The following LUZP2 variants were observed in gnomAD, a reference collection of about 807,000 sequenced individuals.
LUZP2 encodes the protein leucine zipper protein 2.
In LUZP2, 52 loss-of-function variants were observed where a neutral mutation model predicts 51.6. That is an observed-to-expected ratio of 1.01 (90% confidence interval 0.81 to 1.27). The LOEUF is 1.27. Ranked by LOEUF, LUZP2 falls within the 50% of genes most tolerant of loss-of-function variation. LUZP2 has a pLI of 0.00. For synonymous variants in LUZP2, 154 were observed against 137.3 expected, an observed-to-expected ratio of 1.12 and a Z score of -0.85; for missense variants, 436 against 395.4, an observed-to-expected ratio of 1.10 and a Z score of -0.87.
At chr11:24,983,423 G>A in intron 9 of LUZP2, 130 bp downstream of exon 9, 1 of 928,470 alleles carries the variant, frequency 1.1e-6, no homozygotes, top group Non-Finnish European at 1.6e-6. Context: ...GGAGGAAAAT[G>A]GAAGGTAGTA....
intron 5 of LUZP2, among the ~76,000 whole-genome samples, chr11:24,767,131 G>A (rs11028152): frequency 0.12 from 18,123 of 151,944 alleles, 1,354 homozygotes; most frequent in East Asian, 0.42. Flanking sequence ...CTAGTAAGTG[G>A]TCTTCCCCAA....
At chr11:25,044,262 T>A (rs1365686453) in intron 9 of LUZP2, among the ~76,000 whole-genome samples, 2 of 27,854 alleles carry the variant, frequency 7.2e-5, no homozygotes, top group African/African-American at 5.7e-4. Context: ...TGTGTGTATA[T>A]ATATATATAT....
intron 9 of LUZP2, among the ~76,000 whole-genome samples, chr11:25,043,841 T>C (rs1274371938): frequency 2.0e-5 from 3 of 147,556 alleles, no homozygotes; most frequent in Non-Finnish European, 4.5e-5. Flanking sequence ...GTGTGCTTTT[T>C]GCTTTTGTTG....
intron 5 of LUZP2, among the ~76,000 whole-genome samples, chr11:24,774,362 C>CTCTCTCTCTATATATATATATATA (rs776739280): frequency 1.3e-5 from 1 of 76,384 alleles, no homozygotes; most frequent in African/African-American, 6.0e-5. Flanking sequence ...CTCTCTCTCT[C>CTCTCTCTCTATATATATATATATA]TATATATATA....
chr11:24,701,090 C>G (rs1857407498), intron 1 of LUZP2, among the ~76,000 whole-genome samples: 1 of 152,132 alleles, frequency 6.6e-6, no homozygotes, highest in Non-Finnish European at 1.5e-5. Flanking sequence ...TACAGAAATA[C>G]CAAAGGCTGG....
chr11:24,541,320 A>C (rs1201288671), intron 1 of LUZP2, among the ~76,000 whole-genome samples: 1 of 151,686 alleles, frequency 6.6e-6, no homozygotes, highest in East Asian at 1.9e-4. Context: ...TTCAGCCCAA[A>C]GGATTAGATA....
At chr11:24,913,064 T>G (rs1330846667) in intron 6 of LUZP2, among the ~76,000 whole-genome samples, 1 of 152,156 alleles carries the variant, frequency 6.6e-6, no homozygotes, top group Non-Finnish European at 1.5e-5. Flanking sequence ...AAAATTTAAT[T>G]TTATTGAGAT....
intron 5 of LUZP2, among the ~76,000 whole-genome samples, chr11:24,816,341 T>C (rs1334832027): frequency 6.6e-6 from 1 of 152,016 alleles, no homozygotes; most frequent in Non-Finnish European, 1.5e-5. Context: ...ACAGTAAAAG[T>C]TTAGATTATA....
chr11:25,014,520 A>G (rs960387120), intron 9 of LUZP2, among the ~76,000 whole-genome samples: 5 of 151,998 alleles, frequency 3.3e-5, no homozygotes, highest in African/African-American at 1.2e-4. Flanking sequence ...GCATTTTTTC[A>G]TGTGTCTGTT....
At position 24,614,291 on chromosome 11, in the gene LUZP2, T is replaced by A. The variant is rs73433058; in HGVS notation, c.63-114878T>A. Among the ~76,000 whole-genome samples, 574 of 152,134 alleles carry A rather than the reference T, an allele frequency of 3.8e-3. 3 individuals are homozygous for A. The highest frequency in any genetic ancestry group is 0.013 in the African/African-American group (552 of 41,568). ...CTAGAAAACATATTGTTAATCAACT[T>A]CTTTGTATCTCTGCTCTCTCTCCTA... On this transcript the variant is annotated intron_variant, in intron 1 of 11. Transcript: ENST00000336930.
At chr11:24,811,530 A>G (rs1245581528) in intron 5 of LUZP2, among the ~76,000 whole-genome samples, 4 of 151,870 alleles carry the variant, frequency 2.6e-5, no homozygotes, top group South Asian at 2.1e-4. Context: ...TCAGGAGTAC[A>G]TGTGCAGGTT....
intron 9 of LUZP2, among the ~76,000 whole-genome samples, chr11:25,042,865 G>T (rs755535782): frequency 6.6e-6 from 1 of 152,092 alleles, no homozygotes; most frequent in East Asian, 1.9e-4. Context: ...AATAATCCAG[G>T]ATCCTATGGA....
intron 10 of LUZP2, among the ~76,000 whole-genome samples, chr11:25,072,226 C>CA (rs1461173821): frequency 6.6e-6 from 1 of 152,052 alleles, no homozygotes; most frequent in Non-Finnish European, 1.5e-5. Context: ...TCCATCATTA[C>CA]ACTTAAATCT....
At chr11:24,709,559 G>A (rs986855236) in intron 1 of LUZP2, among the ~76,000 whole-genome samples, 1 of 152,086 alleles carries the variant, frequency 6.6e-6, no homozygotes, top group Non-Finnish European at 1.5e-5. Context: ...CCTATTTAGT[G>A]CAAAATTATT....
intron 1 of LUZP2, among the ~76,000 whole-genome samples, chr11:24,524,713 T>C (rs1257875732): frequency 1.3e-5 from 2 of 151,748 alleles, no homozygotes; most frequent in African/African-American, 4.8e-5. Context: ...TTTTTAAAAA[T>C]GAGAGTAGTG....
chr11:25,035,343 G>C (rs1857821386), intron 9 of LUZP2, among the ~76,000 whole-genome samples: 1 of 151,944 alleles, frequency 6.6e-6, no homozygotes, highest in African/African-American at 2.4e-5. Context: ...GCAGTTTCAG[G>C]ATACAAAATC....
At chr11:24,951,942 C>A (rs1193707767) in intron 7 of LUZP2, among the ~76,000 whole-genome samples, 1 of 151,614 alleles carries the variant, frequency 6.6e-6, no homozygotes. Flanking sequence ...GAATCATTAT[C>A]ACTATCACAA....
At chr11:24,624,520 C>T (rs892358686) in intron 1 of LUZP2, among the ~76,000 whole-genome samples, 4 of 152,030 alleles carry the variant, frequency 2.6e-5, no homozygotes, top group African/African-American at 9.7e-5. Context: ...AAGAACTGAG[C>T]TTTCCATAAT....
chr11:24,598,847 T>C (rs1357889322), intron 1 of LUZP2, among the ~76,000 whole-genome samples: 1 of 152,126 alleles, frequency 6.6e-6, no homozygotes, highest in Non-Finnish European at 1.5e-5. Context: ...AAGATAGGCT[T>C]GTTGCCAACA....
Sources: gnomAD v4.1 joint callset for allele counts (sites outside exome capture counted in the v4.1 genomes callset) on GRCh38, gnomAD v4.1.1 for gene constraint, MANE v1.5 for transcripts, NCBI Gene and HGNC (gene_info 2026-07-23, HGNC 2026-07-21) for gene names.